NWD1: variants seen among roughly 807,000 people sequenced by gnomAD.
NWD1 encodes NACHT and WD repeat domain containing 1, also known as NACHT domain- and WD repeat-containing protein 1.
In NWD1, 129 loss-of-function variants were observed where a neutral mutation model predicts 135.1. The ratio of observed to expected loss-of-function variants is 0.96; its 90% CI spans 0.83 to 1.11. The LOEUF is 1.11. Among genes scored for constraint, NWD1 ranks in the 50% least tolerant of loss-of-function variants. The pLI, the probability that NWD1 is intolerant of heterozygous loss-of-function variation, is 0.00. For missense variants in NWD1, 1,740 were observed against 1,851.3 expected (o/e 0.94, Z 1.10); for synonymous variants, 773 against 786.0 (o/e 0.98, Z 0.28).
At chr19:16,805,921 T>C (rs1599560822) in intron 17 of NWD1, among the ~76,000 whole-genome samples, 1 of 151,156 alleles carries the variant, frequency 6.6e-6, no homozygotes, top group African/African-American at 2.4e-5. Context: ...CGGGCTGGAG[T>C]GCAGTGGCGT....
At chr19:16,737,277 CTTTTTT>C (rs1967861411) in intron 4 of NWD1, among the ~76,000 whole-genome samples, 1 of 151,778 alleles carries the variant, frequency 6.6e-6, no homozygotes, top group Non-Finnish European at 1.5e-5. Flanking sequence ...TTTTCTTTTT[CTTTTTT>C]GAGACAGAGT....
intron 11 of NWD1, among the ~76,000 whole-genome samples, chr19:16,774,704 C>CCACT (rs1018152306): frequency 2.0e-5 from 3 of 152,058 alleles, no homozygotes; most frequent in Non-Finnish European, 4.4e-5. Flanking sequence ...TTCCATCCAT[C>CCACT]CACTCACCCA....
At chr19:16,802,226 G>A (rs1377341161) in intron 17 of NWD1, among the ~76,000 whole-genome samples, 1 of 151,456 alleles carries the variant, frequency 6.6e-6, no homozygotes, top group South Asian at 2.1e-4. Context: ...AGGTTGCATT[G>A]AGCACCATTG....
chr19:16,750,252 G>C lies in NWD1; in HGVS notation c.1610G>C (p.Arg537Thr), dbSNP rs758642170. The C allele has an allele frequency of 6.2e-7, 1 of 1,613,646 alleles. No homozygotes were observed. The highest frequency in any genetic ancestry group is 8.5e-7 in the Non-Finnish European group (1 of 1,179,884). Reference protein sequence around the residue: ...LPECGNPGRLRLAFEEARKWA... With the variant: ...LPECGNPGRLTLAFEEARKWA... ...GAGTGTGGGAACCCAGGGCGGCTGA[G>C]GCTGGCGTTTGAGGAAGCCCGGAAA... The change falls in exon 6 of 19, where the codon AGG becomes ACG. Residue 537 changes from arginine (R) to threonine (T), a missense_variant. Transcript: ENST00000524140.
chr19:16,730,559 T>A (rs887946544), intron 2 of NWD1, among the ~76,000 whole-genome samples: 2 of 151,016 alleles, frequency 1.3e-5, no homozygotes, highest in African/African-American at 2.4e-5. Context: ...ACAAAAAATT[T>A]AAAAAAATAT....
At chr19:16,739,358 AT>A (rs1408526972) in intron 4 of NWD1, among the ~76,000 whole-genome samples, 2 of 137,430 alleles carry the variant, frequency 1.5e-5, no homozygotes, top group Admixed American at 7.3e-5. Context: ...AAAAAAAATT[AT>A]TTTTTTAAGG....
At chr19:16,757,830 T>C (rs2122860862) in intron 6 of NWD1, among the ~76,000 whole-genome samples, 1 of 152,268 alleles carries the variant, frequency 6.6e-6, no homozygotes, top group Admixed American at 6.5e-5. Context: ...GGCAGGCAGA[T>C]CACCTGAGAT....
At position 16,784,536 on chromosome 19, in the gene NWD1, G is replaced by A. The variant is rs143989460; in HGVS notation, c.2732-4446G>A. ...GAGGAAAGAGCCTCCCAGGCACAGG[G>A]AGCAGCAAGTGCAAAGGCCCTGAGA... On this transcript the variant is annotated intron_variant, in intron 12 of 18. Transcript: ENST00000524140. Among the ~76,000 whole-genome samples the A allele has an allele frequency of 7.9e-3, 1,204 of 152,204 alleles. 15 individuals carry two copies. The highest frequency in any genetic ancestry group is 0.026 in the African/African-American group (1,087 of 41,518).
intron 18 of NWD1, among the ~76,000 whole-genome samples, chr19:16,810,142 A>G (rs2144524272): frequency 6.6e-6 from 1 of 152,262 alleles, no homozygotes; most frequent in African/African-American, 2.4e-5. Flanking sequence ...CTGCTGCTTA[A>G]GAAAGCCATG....
chr19:16,812,396 C>T (rs1054585997), intron 18 of NWD1, among the ~76,000 whole-genome samples: 5 of 151,694 alleles, frequency 3.3e-5, no homozygotes, highest in African/African-American at 9.7e-5. Flanking sequence ...GGGTCAGGCA[C>T]GTTGGCTCAC....
rs1970539748 is a variant in NWD1 at position 16,799,807 on chromosome 19, C to T, written c.3460-79C>T. ...ACAGGCGTGAGCCACCGCGCCTGGCCCAATGGGCTGAAGCGTATTTCTGAA... is the reference window on the plus strand; with the variant it reads ...ACAGGCGTGAGCCACCGCGCCTGGCTCAATGGGCTGAAGCGTATTTCTGAA... On this transcript the variant is annotated intron_variant, in intron 16 of 18. Transcript: ENST00000524140. The T allele has an allele frequency of 2.9e-6, 4 of 1,390,068 alleles. No homozygotes were observed. The Admixed American group carries it at 9.0e-5, about 31-fold the overall frequency. The allele number at this position is 1,390,068 out of a possible 1,614,324, so 86.1% of individuals were successfully genotyped here. A position where few individuals can be genotyped will look rare whatever the true frequency, so the allele number is the denominator to read the frequency against.
chr19:16,761,967 C>A lies in NWD1; in HGVS notation c.1974-12C>A, dbSNP rs992109395. ...TCACCCAGGTCTATCAGTCTGTATA[C>A]CCTCTCTGTAGACAGCTGGTCGAGG... is the stretch of plus-strand genomic sequence containing the variant. On this transcript the variant is annotated splice_polypyrimidine_tract_variant and intron_variant, in intron 7 of 18. Coordinates refer to ENST00000524140, the MANE Select transcript of NWD1 (RefSeq NM_001007525.5). 2 of 1,612,236 alleles carry A rather than the reference C, an allele frequency of 1.2e-6. No homozygotes were observed. The highest frequency in any genetic ancestry group is 1.7e-6 in the Non-Finnish European group (2 of 1,178,758).
intron 9 of NWD1, 96 bp downstream of exon 9, chr19:16,764,041 A>G: frequency 1.3e-6 from 1 of 758,138 alleles, no homozygotes. Flanking sequence ...AAACATGGAA[A>G]TCCTTCGTTC....
intron 12 of NWD1, among the ~76,000 whole-genome samples, chr19:16,782,810 T>C (rs974778621): frequency 1.3e-5 from 2 of 151,992 alleles, no homozygotes; most frequent in African/African-American, 4.8e-5. Flanking sequence ...CAGAGTGAGA[T>C]CCTGTCTTTT....
At position 16,807,648 on chromosome 19, in the gene NWD1, C is replaced by T. The variant is rs78570914; in HGVS notation, c.3799C>T (p.Arg1267Cys). The T allele has an allele frequency of 5.6e-4, 895 of 1,588,356 alleles. 5 individuals carry two copies. In the African/African-American group the frequency reaches 9.8e-3, roughly 17 times the overall value. Residue 1267 changes from arginine (R) to cysteine (C), a missense_variant, in exon 18 of 19, where the codon CGC becomes TGC. Transcript: ENST00000524140. ...CAGGTGTCTGGAGGTTGCTGAGCAG[C>T]GCAAGCTCCTATTTACGGGCCTCGT... ...EIRCLEVAEQ[R>C]KLLFTGLVSG... is the part of the protein sequence containing the mutation.
chr19:16,790,781 G>A (rs185625143), intron 13 of NWD1, among the ~76,000 whole-genome samples: 41 of 152,126 alleles, frequency 2.7e-4, no homozygotes, highest in African/African-American at 9.2e-4. Context: ...ACATGTTGAA[G>A]TGATACCACT....
intron 4 of NWD1, among the ~76,000 whole-genome samples, chr19:16,738,578 A>AG (rs950605833): frequency 8.6e-5 from 13 of 150,404 alleles, no homozygotes; most frequent in Non-Finnish European, 1.5e-4. Flanking sequence ...AAAAAAAAAA[A>AG]AAAAAAGGAG....
Position 16,808,007 on chromosome 19 carries a change from C to G in NWD1, c.4158C>G (p.Thr1386=). The G allele has an allele frequency of 6.2e-7, 1 of 1,614,076 alleles. No individual in the cohort carries two copies. The highest frequency in any genetic ancestry group is 8.5e-7 in the Non-Finnish European group (1 of 1,180,026). ...CATSKAFPLE[T]HRSRVACVEV... is the part of the protein sequence containing the mutation. Reference sequence around the variant, plus strand: ...CTTCCAAAGCGTTTCCCTTGGAGACCCACAGGAGCCGAGTTGCCTGTGTGG... The same window carrying G: ...CTTCCAAAGCGTTTCCCTTGGAGACGCACAGGAGCCGAGTTGCCTGTGTGG... Residue 1386 remains threonine, a synonymous_variant, in exon 18 of 19, where the codon ACC becomes ACG. Transcript: ENST00000524140.
intron 9 of NWD1, among the ~76,000 whole-genome samples, chr19:16,764,429 A>G (rs1467828108): frequency 6.7e-6 from 1 of 148,160 alleles, no homozygotes; most frequent in African/African-American, 2.5e-5. Flanking sequence ...CCACCCATCC[A>G]TCTATGATCT....
Sources: gnomAD v4.1 joint callset for allele counts (sites outside exome capture counted in the v4.1 genomes callset) on GRCh38, gnomAD v4.1.1 for gene constraint, MANE v1.5 for transcripts, NCBI Gene and HGNC (gene_info 2026-07-23, HGNC 2026-07-21) for gene names.